BACH2: variants seen among roughly 807,000 people sequenced by gnomAD.
The protein encoded by BACH2 is transcription regulator protein BACH2.
In BACH2, 5 loss-of-function variants were observed where a neutral mutation model predicts 61.8. The ratio of observed to expected loss-of-function variants is 0.08; its 90% CI spans 0.04 to 0.17. BACH2 has a LOEUF of 0.17. Ranked by LOEUF, BACH2 falls within the 10% of genes least tolerant of loss-of-function variation. BACH2 has a pLI of 1.00. For synonymous variants in BACH2, 446 were observed against 440.1 expected (o/e 1.01, Z -0.17); for missense variants, 824 against 1,091.1 (o/e 0.76, Z 3.45).
chr6:89,943,648 G>C (rs932288008), intron 7 of BACH2, among the ~76,000 whole-genome samples: 1 of 152,134 alleles, frequency 6.6e-6, no homozygotes, highest in African/African-American at 2.4e-5. Context: ...CGCTTGCCTA[G>C]TGTCTCTGCT....
At chr6:90,064,193 T>A (rs567451707) in intron 5 of BACH2, among the ~76,000 whole-genome samples, 3 of 152,136 alleles carry the variant, frequency 2.0e-5, no homozygotes, top group Non-Finnish European at 2.9e-5. Context: ...TATGTGCCAT[T>A]TGAGTAGCAT....
chr6:90,109,415 TC>T (rs1051402217), intron 4 of BACH2, among the ~76,000 whole-genome samples: 1 of 152,118 alleles, frequency 6.6e-6, no homozygotes, highest in African/African-American at 2.4e-5. Context: ...CCTCCTCTGC[TC>T]CCCATCTAAA....
chr6:90,207,807 A>G (rs1769202903), intron 3 of BACH2, among the ~76,000 whole-genome samples: 1 of 152,190 alleles, frequency 6.6e-6, no homozygotes, highest in Admixed American at 6.5e-5. Flanking sequence ...TCTACACTGG[A>G]GAATAACATG....
intron 3 of BACH2, among the ~76,000 whole-genome samples, chr6:90,215,028 T>A (rs556782750): frequency 3.7e-4 from 56 of 152,254 alleles, no homozygotes; most frequent in African/African-American, 1.3e-3. Context: ...TTGCTGGGAT[T>A]ACAGGCATGA....
rs56722408 is a variant in BACH2 at position 90,096,092 on chromosome 6, A to G, written c.-161-6983T>C. On this transcript the variant is annotated intron_variant, in intron 4 of 8. Coordinates refer to ENST00000257749, the MANE Select transcript of BACH2 (RefSeq NM_021813.4). ...CTTTCCCATGTGCCACCAGTAAAAC[A>G]TGAAAGTAAACTGACAAGGCTGCAG... Among the ~76,000 whole-genome samples the G allele has an allele frequency of 5.0e-3, 761 of 152,360 alleles. 35 individuals are homozygous for G. In the East Asian group the frequency reaches 0.12, roughly 23 times the overall value.
chr6:90,114,813 C>T lies in BACH2; in HGVS notation c.-161-25704G>A, dbSNP rs116776689. Among the ~76,000 whole-genome samples, 405 of 152,222 alleles carry T rather than the reference C, an allele frequency of 2.7e-3. 2 individuals carry two copies. The highest frequency in any genetic ancestry group is 9.4e-3 in the African/African-American group (389 of 41,536). On this transcript the variant is annotated intron_variant, in intron 4 of 8. Coordinates refer to ENST00000257749, the MANE Select transcript of BACH2 (RefSeq NM_021813.4). The stretch of plus-strand genomic sequence containing the variant: ...TCCTTCAGCTCATAAACAACTTCAA[C>T]GAAGTTGCAGGATACAAAATCAAGG...
intron 4 of BACH2, among the ~76,000 whole-genome samples, chr6:90,106,614 T>A (rs1053951025): frequency 6.6e-6 from 1 of 152,164 alleles, no homozygotes; most frequent in African/African-American, 2.4e-5. Context: ...TCAGAATGCA[T>A]CCTATCGTTA....
chr6:90,071,901 GATCATC>G (rs1176907427), intron 5 of BACH2, among the ~76,000 whole-genome samples: 1 of 152,096 alleles, frequency 6.6e-6, no homozygotes, highest in African/African-American at 2.4e-5. Flanking sequence ...AGTGAGAGTG[GATCATC>G]ATAAAGGGCT....
intron 3 of BACH2, among the ~76,000 whole-genome samples, chr6:90,226,698 T>C (rs1022650160): frequency 6.8e-6 from 1 of 146,478 alleles, no homozygotes; most frequent in Non-Finnish European, 1.5e-5. Flanking sequence ...GTCCTTAGAA[T>C]TTTTTTTTTT....
chr6:90,018,202 G>T (rs1446595358), intron 5 of BACH2, among the ~76,000 whole-genome samples: 2 of 152,116 alleles, frequency 1.3e-5, no homozygotes, highest in African/African-American at 4.8e-5. Flanking sequence ...TTTCTTACCT[G>T]CATCTGCTGA....
intron 2 of BACH2, among the ~76,000 whole-genome samples, chr6:90,254,132 C>G (rs1436126835): frequency 2.7e-5 from 4 of 149,866 alleles, no homozygotes; most frequent in Non-Finnish European, 4.4e-5. Context: ...AAATAAACCC[C>G]AAAAGATAAG....
rs78162428 is a variant in BACH2 at position 90,040,075 on chromosome 6, T to A, written c.-12-31219A>T. 1.7e-4 allele frequency among the ~76,000 whole-genome samples: 26 copies of A among 152,072 alleles called. No homozygotes were observed. In the East Asian group the frequency reaches 4.8e-3, roughly 28 times the overall value. On this transcript the variant is annotated intron_variant, in intron 5 of 8. Coordinates refer to ENST00000257749, the MANE Select transcript of BACH2 (RefSeq NM_021813.4). ...ATGGTGGTATTTGCTGCTCAGAAAT[T>A]TTTGATTTTTGTGTCATTGAATTCA...
intron 3 of BACH2, among the ~76,000 whole-genome samples, chr6:90,215,750 T>C (rs749156603): frequency 2.6e-5 from 4 of 152,202 alleles, no homozygotes; most frequent in Non-Finnish European, 5.9e-5. Context: ...TAGCCTAAGC[T>C]AATTGCTGTG....
rs1257670254 is a variant in BACH2 at position 90,159,053 on chromosome 6, G to C, written c.-162+47516C>G. The stretch of plus-strand genomic sequence containing the variant: ...ATGCATTTCTTTTACCACATGGATG[G>C]GCAAGTAACTAAATGGGCTCTATCT... On this transcript the variant is annotated intron_variant, in intron 4 of 8. Coordinates refer to ENST00000257749, the MANE Select transcript of BACH2 (RefSeq NM_021813.4). 2.0e-5 allele frequency among the ~76,000 whole-genome samples: 3 copies of C among 152,228 alleles called. No individual in the cohort carries two copies. The East Asian group carries it at 5.8e-4, about 29-fold the overall frequency.
intron 5 of BACH2, among the ~76,000 whole-genome samples, chr6:90,066,061 A>G (rs980435471): frequency 4.6e-5 from 7 of 152,180 alleles, no homozygotes; most frequent in Admixed American, 2.6e-4. Context: ...TTTTATGTCT[A>G]TGTACCCCAG....
Position 90,163,848 on chromosome 6 carries a change from A to C in BACH2, c.-162+42721T>G, listed in dbSNP as rs138782340. Reference sequence around the variant, plus strand: ...CACATAATATACTTTTTCCTTAATAACTTATAATTGAAGACACCAGCTCAT... The same window carrying C: ...CACATAATATACTTTTTCCTTAATACCTTATAATTGAAGACACCAGCTCAT... On this transcript the variant is annotated intron_variant, in intron 4 of 8. Transcript: ENST00000257749. Among the ~76,000 whole-genome samples, 698 of 152,312 alleles carry C rather than the reference A, an allele frequency of 4.6e-3. 3 individuals are homozygous for C. Among genetic ancestry groups the C allele is most frequent in the Middle Eastern group, 0.034 (10 of 294 alleles).
In BACH2 at chr6:90,155,457, G is replaced by A. The variant is rs899187395; in HGVS notation, c.-162+51112C>T. On this transcript the variant is annotated intron_variant, in intron 4 of 8. Coordinates refer to ENST00000257749, the MANE Select transcript of BACH2 (RefSeq NM_021813.4). ...ACCTGAGAATGCCATGCAAGGGCTA[G>A]AGCAACTTCCCATCCTTTTGCAAGC... 2.0e-5 allele frequency among the ~76,000 whole-genome samples: 3 copies of A among 152,232 alleles called. No individual in the cohort carries two copies. The East Asian group carries it at 5.8e-4, about 29-fold the overall frequency.
intron 4 of BACH2, among the ~76,000 whole-genome samples, chr6:90,154,941 C>T (rs1000236019): frequency 6.6e-6 from 1 of 152,178 alleles, no homozygotes; most frequent in African/African-American, 2.4e-5. Context: ...AGGGGACAAA[C>T]TGGCAGGAAG....
chr6:89,987,719 T>C (rs372949452), intron 6 of BACH2, among the ~76,000 whole-genome samples: 3 of 152,012 alleles, frequency 2.0e-5, no homozygotes, highest in East Asian at 3.9e-4. Context: ...GTTGCATGTG[T>C]TCAAGCAGAG....
Sources: gnomAD v4.1 joint callset for allele counts (sites outside exome capture counted in the v4.1 genomes callset) on GRCh38, gnomAD v4.1.1 for gene constraint, MANE v1.5 for transcripts, NCBI Gene and HGNC (gene_info 2026-07-23, HGNC 2026-07-21) for gene names.